KIF25: variants seen among roughly 807,000 people sequenced by gnomAD.
The protein encoded by KIF25 is kinesin family member 25.
Under a neutral mutation model 32.9 loss-of-function variants are expected in KIF25, and 19 were observed. That is an observed-to-expected ratio of 0.58 (90% CI 0.40 to 0.85). KIF25 has a LOEUF of 0.85. Among genes scored for constraint, KIF25 ranks in the 40% least tolerant of loss-of-function variants. KIF25 has a pLI of 0.00. For missense variants in KIF25, 485 were observed against 507.0 expected (o/e 0.96, Z 0.42); for synonymous variants, 225 against 213.7 (o/e 1.05, Z -0.46).
chr6:168,043,353 C>T (rs1375930639), intron 12 of KIF25, among the ~76,000 whole-genome samples: 1 of 152,156 alleles, frequency 6.6e-6, no homozygotes, highest in Non-Finnish European at 1.5e-5. Context: ...CCCTGTAGGC[C>T]GTGTCCTGAG....
At chr6:168,042,272 A>G (rs1277406482) in intron 11 of KIF25, 121 bp downstream of exon 11, 4 of 1,062,086 alleles carry the variant, frequency 3.8e-6, no homozygotes, top group Non-Finnish European at 4.0e-6. Flanking sequence ...TTCCCCCTCC[A>G]CAGGTGAGTT....
chr6:168,033,982 C>G lies in KIF25; in HGVS notation c.268C>G (p.Pro90Ala), dbSNP rs137976934. ...SDDGPVLPLD[P>A]QSDLGIIPRV... ...CGACGGCCCTGTTCTGCCGCTTGAC[C>G]CACAGAGTGACTTAGGAATTATCCC... The change falls in exon 8 of 13, where the codon CCA becomes GCA. Residue 90 changes from proline (P) to alanine (A), a missense_variant. By Grantham distance (27) the Pro-to-Ala change is conservative (BLOSUM62 -1). Transcript: ENST00000643607. The G allele has an allele frequency of 3.1e-6, 5 of 1,614,020 alleles. No individual in the cohort carries two copies. The African/African-American group carries it at 6.7e-5, about 22-fold the overall frequency.
At chr6:168,001,917 G>A (rs866336117) in intron 2 of KIF25, among the ~76,000 whole-genome samples, 404 of 78,220 alleles carry the variant, frequency 5.2e-3, no homozygotes, top group African/African-American at 0.013. Context: ...CACCTGAGGC[G>A]TGGCCTCGGG....
At chr6:168,026,879 CCTAA>C (rs1302956646) in intron 5 of KIF25, among the ~76,000 whole-genome samples, 4 of 152,166 alleles carry the variant, frequency 2.6e-5, no homozygotes, top group South Asian at 2.1e-4. Context: ...ATGTGATATT[CCTAA>C]CTGACACATT....
chr6:168,013,634 C>G (rs538346517), intron 4 of KIF25, among the ~76,000 whole-genome samples: 1 of 151,746 alleles, frequency 6.6e-6, no homozygotes, highest in African/African-American at 2.4e-5. Flanking sequence ...GGCTGAGGGC[C>G]TGTGAGGACT....
intron 8 of KIF25, among the ~76,000 whole-genome samples, chr6:168,035,435 C>CTGCGGGGGGGGCGGGAACGGCGCTGCGG (rs1238186330): frequency 3.0e-4 from 2 of 6,662 alleles, no homozygotes; most frequent in South Asian, 4.0e-3. Flanking sequence ...TGGAACGGCG[C>CTGCGGGGGGGGCGGGAACGGCGCTGCGG]GGCGGAGGAG....
At chr6:168,007,991 G>A (rs547302320) in intron 4 of KIF25, among the ~76,000 whole-genome samples, 1 of 152,160 alleles carries the variant, frequency 6.6e-6, no homozygotes, top group Non-Finnish European at 1.5e-5. Context: ...ATCTTAAATG[G>A]CCTGAGAGAG....
In KIF25 at chr6:168,040,148, C is replaced by A. The variant is rs199989232; in HGVS notation, c.578C>A (p.Ala193Glu). Reference protein sequence around the residue: ...LRAKHPTLVHADSSRSHLIIT... With the variant: ...LRAKHPTLVHEDSSRSHLIIT... ...GCGAAGCACCCCACCCTGGTGCACG[C>A]GGATTCCTCCAGGTCTCACCTGATA... The change falls in exon 10 of 13, where the codon GCG (alanine) becomes GAG (glutamate). Residue 193 changes from alanine to glutamate, a missense_variant. Coordinates refer to ENST00000643607, the MANE Select transcript of KIF25 (RefSeq NM_030615.4). The A allele has an allele frequency of 6.2e-7, 1 of 1,614,082 alleles. No individual in the cohort carries two copies. Among genetic ancestry groups the A allele is most frequent in the Admixed American group, 1.7e-5 (1 of 60,030 alleles).
chr6:168,042,715 C>G lies in KIF25; in HGVS notation c.984C>G (p.Leu328=). The G allele has an allele frequency of 1.2e-6, 2 of 1,608,306 alleles. No individual in the cohort carries two copies. Among genetic ancestry groups the G allele is most frequent in the Non-Finnish European group, 1.7e-6 (2 of 1,178,292 alleles). The change falls in exon 12 of 13, where the codon CTC becomes CTG. Residue 328 remains leucine, a splice_region_variant and synonymous_variant. Transcript: ENST00000643607. ...TCACCCACCTCCTTCAGGACTGCCT[C>G]GGTAACCGTTTTCCCCAAAATGCCC... ...SRLTHLLQDC[L]GGDAKLLVIL...
At chr6:168,010,845 T>C (rs1798638351) in intron 4 of KIF25, among the ~76,000 whole-genome samples, 1 of 152,152 alleles carries the variant, frequency 6.6e-6, no homozygotes, top group Non-Finnish European at 1.5e-5. Flanking sequence ...AATTGATCCC[T>C]TTATTGTGTA....
intron 2 of KIF25, among the ~76,000 whole-genome samples, chr6:168,000,666 CATCCT>C (rs1228095731): frequency 6.6e-6 from 1 of 151,888 alleles, no homozygotes; most frequent in East Asian, 1.9e-4. Context: ...TCCCCACTCC[CATCCT>C]GACCACACCT....
At chr6:168,030,077 G>A (rs984180691) in intron 6 of KIF25, among the ~76,000 whole-genome samples, 2 of 152,222 alleles carry the variant, frequency 1.3e-5, no homozygotes, top group African/African-American at 4.8e-5. Context: ...AGCTGCCAGG[G>A]AGCCTGTTCT....
At chr6:168,038,420 A>G in intron 8 of KIF25, 133 bp from the exon 9 acceptor site, 1 of 803,170 alleles carries the variant, frequency 1.2e-6, no homozygotes, top group Non-Finnish European at 2.0e-6. Flanking sequence ...TCGGGTATGT[A>G]ACATGCAGCC....
chr6:168,039,208 C>T (rs760745800), intron 9 of KIF25, among the ~76,000 whole-genome samples: 26 of 152,136 alleles, frequency 1.7e-4, no homozygotes, highest in Non-Finnish European at 3.4e-4. Context: ...CTCAGATGGG[C>T]GTCATCCCAT....
Position 167,997,880 on chromosome 6 carries a change from C to T in KIF25, c.-1589C>T, listed in dbSNP as rs1234532657. Among the ~76,000 whole-genome samples the T allele has an allele frequency of 6.6e-6, 1 of 152,158 alleles. No individual in the cohort carries two copies. Among genetic ancestry groups the T allele is most frequent in the Admixed American group, 6.5e-5 (1 of 15,282 alleles). ...GAGGCCCACGAAGCCAGTGTTCCTGCGAAGCTTCTCTTCCCTGGCCATGCC... is the reference window on the plus strand; with the variant it reads ...GAGGCCCACGAAGCCAGTGTTCCTGTGAAGCTTCTCTTCCCTGGCCATGCC... On this transcript the variant is annotated 5_prime_UTR_variant, in exon 1 of 13. The change creates a premature stop within an existing upstream ORF in the 5' untranslated region. Coordinates refer to ENST00000643607, the MANE Select transcript of KIF25 (RefSeq NM_030615.4).
chr6:168,030,683 G>A (rs1182426840), intron 6 of KIF25, 90 bp from the exon 7 acceptor site: 2 of 863,752 alleles, frequency 2.3e-6, no homozygotes, highest in African/African-American at 1.7e-5. Context: ...GGAAGTACAC[G>A]GGGCGTTGTG....
chr6:168,044,711 G>A, intron 12 of KIF25, 116 bp from the exon 13 acceptor site: 1 of 1,091,340 alleles, frequency 9.2e-7, no homozygotes, highest in Non-Finnish European at 1.3e-6. Context: ...CTTTCCCGCT[G>A]GGGCGCCGGG....
rs1249373150 is a variant in KIF25 at position 167,998,433 on chromosome 6, C to G, written c.-1036C>G. The G allele has an allele frequency of 6.6e-6, 1 of 152,166 alleles. No homozygotes were observed. The highest frequency in any genetic ancestry group is 1.5e-5 in the Non-Finnish European group (1 of 68,042). 9.4% of individuals were successfully genotyped at this position (152,166 alleles called of 1,614,324 possible). A position where few individuals can be genotyped will look rare whatever the true frequency, so the allele number is the denominator to read the frequency against. On this transcript the variant is annotated 5_prime_UTR_variant, in exon 1 of 13. Transcript: ENST00000643607. ...CTTGGTTTTCAAAATGTAGAAGGAG[C>G]TGCTCAGCATGACAGGGTGGATAAA... is the stretch of plus-strand genomic sequence containing the variant.
chr6:168,028,128 C>A (rs1264202902), intron 5 of KIF25, among the ~76,000 whole-genome samples: 1 of 152,004 alleles, frequency 6.6e-6, no homozygotes, highest in African/African-American at 2.4e-5. Flanking sequence ...AAGAATTGAC[C>A]CCATTTTATC....
Sources: allele counts gnomAD v4.1 joint callset (sites outside exome capture counted in the v4.1 genomes callset), GRCh38; gene constraint gnomAD v4.1.1; transcripts MANE v1.5; gene names NCBI Gene and HGNC (gene_info 2026-07-23, HGNC 2026-07-21).